The following PDLIM5 variants were observed in gnomAD, a reference collection of about 807,000 sequenced individuals.
PDLIM5 encodes PDZ and LIM domain 5.
PDLIM5 carries 34 observed loss-of-function variants against 64.2 expected under a neutral mutation model. The observed-to-expected ratio is 0.53, with a 90% CI of 0.40 to 0.71. The LOEUF (loss-of-function observed/expected upper bound fraction) is 0.71, where lower values mean the gene tolerates loss of function less well. PDLIM5 is among the 30% of genes least tolerant of loss of function. The pLI, the probability that PDLIM5 is intolerant of heterozygous loss-of-function variation, is 0.00. For missense variants in PDLIM5, 683 were observed against 733.6 expected, an observed-to-expected ratio of 0.93 and a Z score of 0.80; for synonymous variants, 253 against 269.1, an observed-to-expected ratio of 0.94 and a Z score of 0.59.
chr4:94,632,990 G>T (rs1740279484), intron 8 of PDLIM5, among the ~76,000 whole-genome samples: 1 of 152,108 alleles, frequency 6.6e-6, no homozygotes, highest in Non-Finnish European at 1.5e-5. Context: ...TGTTACAGTG[G>T]CAATAGAAAA....
At chr4:94,583,338 G>T (rs1578418297) in intron 5 of PDLIM5, among the ~76,000 whole-genome samples, 1 of 152,014 alleles carries the variant, frequency 6.6e-6, no homozygotes, top group Admixed American at 6.5e-5. Context: ...TCTATTATTC[G>T]TGATATCTTA....
At chr4:94,462,218 G>A (rs913638788) in intron 2 of PDLIM5, among the ~76,000 whole-genome samples, 1 of 152,078 alleles carries the variant, frequency 6.6e-6, no homozygotes, top group South Asian at 2.1e-4. Context: ...ATACACGAGC[G>A]TATAGGGGGA....
chr4:94,486,230 T>C (rs1213047663), intron 2 of PDLIM5, among the ~76,000 whole-genome samples: 1 of 152,138 alleles, frequency 6.6e-6, no homozygotes, highest in Non-Finnish European at 1.5e-5. Flanking sequence ...TATAACCAAA[T>C]AATAAAGGAT....
In PDLIM5 at chr4:94,585,754, G is replaced by A. The variant is rs757008833; in HGVS notation, c.883+17G>A. ...CTGAACATTGTAAGTGAACTTCTAG[G>A]TATCCTAATGGATGAATGTTTTTTT... On this transcript the variant is annotated intron_variant, in intron 6 of 12. Transcript: ENST00000317968. 15 of 1,599,690 alleles carry A rather than the reference G, an allele frequency of 9.4e-6. No homozygotes were observed. The highest frequency in any genetic ancestry group is 6.0e-6 in the Non-Finnish European group (7 of 1,167,822).
Position 94,640,233 on chromosome 4 carries a change from A to T in PDLIM5, c.1109-43A>T, listed in dbSNP as rs748415541. Reference sequence around the variant, plus strand: ...TATTTGATTGTTAGGAAAGGTTTATATGTGGCTTATTCTCATTCTGATTCT... The same window carrying T: ...TATTTGATTGTTAGGAAAGGTTTATTTGTGGCTTATTCTCATTCTGATTCT... On this transcript the variant is annotated intron_variant, in intron 8 of 12. Coordinates refer to ENST00000317968, the MANE Select transcript of PDLIM5 (RefSeq NM_006457.5). 12 of 1,058,018 alleles carry T rather than the reference A, an allele frequency of 1.1e-5. No homozygotes were observed. The South Asian group carries it at 1.8e-4, about 16-fold the overall frequency. The allele number at this position is 1,058,018 out of a possible 1,614,324, so 65.5% of individuals were successfully genotyped here.
At chr4:94,498,656 A>G (rs1727628269) in intron 2 of PDLIM5, among the ~76,000 whole-genome samples, 3 of 152,188 alleles carry the variant, frequency 2.0e-5, no homozygotes, top group Non-Finnish European at 4.4e-5. Context: ...TTGATGCTTA[A>G]TGGATGTGTA....
intron 9 of PDLIM5, among the ~76,000 whole-genome samples, chr4:94,652,433 C>T (rs1042548434): frequency 2.0e-4 from 30 of 152,310 alleles, no homozygotes; most frequent in Middle Eastern, 3.4e-3. Context: ...ACCAGTTGCC[C>T]ACCTGGCGGA....
In PDLIM5 at chr4:94,466,021, G is replaced by A. The variant is rs114445404; in HGVS notation, c.96+10637G>A. The stretch of plus-strand genomic sequence containing the variant: ...CTGTGGCATGGGCTGGAGTGCAGTG[G>A]CACTGTCACAGCTCACTACATCCTT... On this transcript the variant is annotated intron_variant, in intron 2 of 12. Transcript: ENST00000317968. Among the ~76,000 whole-genome samples, 1,302 of 152,060 alleles carry A rather than the reference G, an allele frequency of 8.6e-3. 17 individuals carry two copies. Among genetic ancestry groups the A allele is most frequent in the African/African-American group, 0.03 (1,239 of 41,482 alleles).
At chr4:94,615,320 T>C (rs1462785292) in intron 7 of PDLIM5, among the ~76,000 whole-genome samples, 1 of 152,216 alleles carries the variant, frequency 6.6e-6, no homozygotes, top group Non-Finnish European at 1.5e-5. Flanking sequence ...TTATATGCCA[T>C]GCAGTTAACG....
intron 5 of PDLIM5, chr4:94,582,557 G>T: frequency 1.8e-6 from 1 of 551,786 alleles, no homozygotes; most frequent in Non-Finnish European, 3.2e-6. Flanking sequence ...CATGATGTTT[G>T]TGTAACATCT....
chr4:94,474,194 C>T (rs1725119742), intron 2 of PDLIM5, among the ~76,000 whole-genome samples: 1 of 152,086 alleles, frequency 6.6e-6, no homozygotes, highest in Admixed American at 6.6e-5. Context: ...TCTTGGGAAA[C>T]TTTGGTGTCA....
intron 2 of PDLIM5, among the ~76,000 whole-genome samples, chr4:94,468,670 A>G (rs1477134564): frequency 6.6e-6 from 1 of 152,188 alleles, no homozygotes; most frequent in East Asian, 1.9e-4. Flanking sequence ...AAGACTCATG[A>G]GAATAAATTT....
At chr4:94,462,538 TGTAA>T (rs1175568327) in intron 2 of PDLIM5, among the ~76,000 whole-genome samples, 1 of 152,120 alleles carries the variant, frequency 6.6e-6, no homozygotes, top group Non-Finnish European at 1.5e-5. Flanking sequence ...GACACTGCAG[TGTAA>T]GTTTTGCCCA....
chr4:94,455,758 G>C, intron 2 of PDLIM5: 1 of 1,512,124 alleles, frequency 6.6e-7, no homozygotes, highest in Admixed American at 2.0e-5. Flanking sequence ...TCCAAAAGCT[G>C]TTTGTTAAAA....
At chr4:94,590,099 T>C (rs1220346494) in intron 7 of PDLIM5, among the ~76,000 whole-genome samples, 1 of 152,178 alleles carries the variant, frequency 6.6e-6, no homozygotes, top group African/African-American at 2.4e-5. Flanking sequence ...TTTCTTACAG[T>C]GTTTTATTCA....
intron 2 of PDLIM5, among the ~76,000 whole-genome samples, chr4:94,497,968 A>C (rs2126128581): frequency 6.8e-6 from 1 of 147,150 alleles, no homozygotes; most frequent in Middle Eastern, 3.4e-3. Context: ...CTGTGTCCTG[A>C]GAGGAAAAAC....
intron 2 of PDLIM5, among the ~76,000 whole-genome samples, chr4:94,491,764 A>C (rs1726893921): frequency 6.6e-6 from 1 of 152,102 alleles, no homozygotes; most frequent in African/African-American, 2.4e-5. Flanking sequence ...TTCATTTTTA[A>C]ATAATATTTT....
intron 2 of PDLIM5, among the ~76,000 whole-genome samples, chr4:94,458,227 A>G (rs2126075511): frequency 6.6e-6 from 1 of 152,284 alleles, no homozygotes; most frequent in African/African-American, 2.4e-5. Context: ...ATTATGTAAA[A>G]TTACTGGGAT....
At chr4:94,578,878 G>A (rs1168862841) in intron 5 of PDLIM5, among the ~76,000 whole-genome samples, 4 of 151,934 alleles carry the variant, frequency 2.6e-5, no homozygotes. Flanking sequence ...AGTTCAGAAG[G>A]ATGTAAAGTT....
Sources: gnomAD v4.1 joint callset for allele counts (sites outside exome capture counted in the v4.1 genomes callset) on GRCh38, gnomAD v4.1.1 for gene constraint, MANE v1.5 for transcripts, NCBI Gene and HGNC (gene_info 2026-07-23, HGNC 2026-07-21) for gene names.